Variants in EVL observed in about 807,000 individuals in gnomAD.
EVL encodes the protein ena/VASP-like protein.
In EVL, 21 loss-of-function variants were observed where a neutral mutation model predicts 59.6. The ratio of observed to expected loss-of-function variants is 0.35; its 90% confidence interval spans 0.25 to 0.51. The LOEUF is 0.51. Among genes scored for constraint, EVL ranks in the 20% least tolerant of loss-of-function variants. EVL has a pLI of 0.97. For synonymous variants in EVL, 198 were observed against 203.5 expected (o/e 0.97, Z 0.23); for missense variants, 462 against 546.6 (o/e 0.85, Z 1.54).
At chr14:100,122,959 C>G (rs1021455818) in intron 3 of EVL, among the ~76,000 whole-genome samples, 1 of 152,190 alleles carries the variant, frequency 6.6e-6, no homozygotes, top group African/African-American at 2.4e-5. Flanking sequence ...CCTTCCCACC[C>G]GCAGCTCCAG....
intron 1 of EVL, among the ~76,000 whole-genome samples, chr14:100,000,089 A>G (rs1048738652): frequency 6.6e-6 from 1 of 152,228 alleles, no homozygotes; most frequent in Admixed American, 6.5e-5. Context: ...TATCTGAGAT[A>G]GGTCTCAGTT....
At chr14:100,104,498 GTTTA>G (rs1429949345) in intron 3 of EVL, among the ~76,000 whole-genome samples, 5 of 152,230 alleles carry the variant, frequency 3.3e-5, no homozygotes, top group Non-Finnish European at 5.9e-5. Context: ...TGGCCACTTG[GTTTA>G]TTTGAGACAA....
chr14:100,064,959 T>C (rs1284785097), upstream of EVL, among the ~76,000 whole-genome samples: 1 of 152,202 alleles, frequency 6.6e-6, no homozygotes, highest in Non-Finnish European at 1.5e-5. Context: ...TATCATCTAG[T>C]CTTCTATTCT....
intron 11 of EVL, 63 bp downstream of exon 11, chr14:100,137,865 C>T (rs764561923): frequency 1.3e-5 from 20 of 1,484,784 alleles, no homozygotes; most frequent in South Asian, 2.3e-5. Flanking sequence ...TCCCCCGTCC[C>T]GTGACTAACA....
At chr14:100,060,914 C>T (rs922730899), upstream of EVL, among the ~76,000 whole-genome samples, 1 of 150,118 alleles carries the variant, frequency 6.7e-6, no homozygotes, top group Non-Finnish European at 1.5e-5. Context: ...TGGCTGACTT[C>T]TCAGAAACCA....
At chr14:100,052,159 G>A (rs2061657954) in intron 1 of EVL, among the ~76,000 whole-genome samples, 1 of 152,130 alleles carries the variant, frequency 6.6e-6, no homozygotes, top group Non-Finnish European at 1.5e-5. Flanking sequence ...GAATCCCGAA[G>A]TGCTATGCTT....
chr14:100,038,748 G>C (rs2061423466), intron 1 of EVL, among the ~76,000 whole-genome samples: 1 of 146,702 alleles, frequency 6.8e-6, no homozygotes, highest in African/African-American at 2.5e-5. Context: ...GTACCACTTA[G>C]TACCCTGTGT....
intron 1 of EVL, among the ~76,000 whole-genome samples, chr14:100,000,559 GAATGGTCCC>G (rs1555411547): frequency 6.6e-6 from 1 of 152,064 alleles, no homozygotes; most frequent in Non-Finnish European, 1.5e-5. Flanking sequence ...GTTTTAGCCA[GAATGGTCCC>G]GATCTCCTGA....
chr14:100,126,681 A>C (rs753737757), intron 4 of EVL, 26 bp from the exon 5 acceptor site: 1 of 1,613,442 alleles, frequency 6.2e-7, no homozygotes, highest in South Asian at 1.1e-5. Flanking sequence ...GAGGAGTCAG[A>C]CTGCCCTGCT....
intron 1 of EVL, among the ~76,000 whole-genome samples, chr14:100,035,718 A>G (rs56118939): frequency 0.064 from 9,792 of 152,214 alleles, 469 homozygotes; most frequent in East Asian, 0.18. Context: ...TAGCACACCT[A>G]TTTGTCTGCT....
intron 1 of EVL, among the ~76,000 whole-genome samples, chr14:100,066,253 C>A (rs1422497505): frequency 6.6e-6 from 1 of 152,174 alleles, no homozygotes; most frequent in East Asian, 1.9e-4. Flanking sequence ...AAAATTATTT[C>A]ACAATTTCCA....
intron 1 of EVL, among the ~76,000 whole-genome samples, chr14:100,006,009 TC>T (rs58699616): frequency 0.68 from 77,128 of 114,008 alleles, 25,197 homozygotes; most frequent in Middle Eastern, 0.75. Context: ...GCTGGCCATT[TC>T]CCCCCCCCCC....
At chr14:100,095,014 C>T (rs535428003) in intron 2 of EVL, among the ~76,000 whole-genome samples, 11 of 152,166 alleles carry the variant, frequency 7.2e-5, no homozygotes, top group African/African-American at 2.4e-4. Context: ...GCACTCCAGC[C>T]TGGGTGACAG....
chr14:100,034,882 TGTG>T (rs2061366225), intron 1 of EVL, among the ~76,000 whole-genome samples: 1 of 152,226 alleles, frequency 6.6e-6, no homozygotes, highest in Non-Finnish European at 1.5e-5. Context: ...ATCTGTGAAA[TGTG>T]GTAGTTGTGA....
At chr14:100,034,652 C>T (rs954667881) in intron 1 of EVL, among the ~76,000 whole-genome samples, 4 of 151,830 alleles carry the variant, frequency 2.6e-5, no homozygotes, top group African/African-American at 7.3e-5. Flanking sequence ...CAAAAAAGAT[C>T]ATGTGAGCCC....
intron 1 of EVL, among the ~76,000 whole-genome samples, chr14:100,083,709 C>T (rs1471595823): frequency 6.6e-6 from 1 of 152,202 alleles, no homozygotes; most frequent in African/African-American, 2.4e-5. Flanking sequence ...AAGTATGGTG[C>T]AGCCATCTAT....
intron 1 of EVL, chr14:99,976,978 GGATTGTTCT>G (rs775556796): frequency 2.7e-5 from 4 of 149,720 alleles, no homozygotes; most frequent in Non-Finnish European, 4.5e-5. Flanking sequence ...TTTAGATGGA[GGATTGTTCT>G]GATTGTTCTG....
intron 1 of EVL, among the ~76,000 whole-genome samples, chr14:100,078,491 G>C (rs575417987): frequency 6.6e-6 from 1 of 151,250 alleles, no homozygotes; most frequent in African/African-American, 2.4e-5. Flanking sequence ...AAGTGGAAAG[G>C]CAGTAACCTT....
chr14:100,096,761 C>T (rs1595171122), intron 2 of EVL, among the ~76,000 whole-genome samples: 1 of 152,208 alleles, frequency 6.6e-6, no homozygotes, highest in Non-Finnish European at 1.5e-5. Flanking sequence ...GGTGTTGAAT[C>T]CCCTAGCAGC....
Sources: allele counts gnomAD v4.1 joint callset (sites outside exome capture counted in the v4.1 genomes callset), GRCh38; gene constraint gnomAD v4.1.1; transcripts MANE v1.5; gene names NCBI Gene and HGNC (gene_info 2026-07-23, HGNC 2026-07-21).